Variants in CLCF1 observed in about 807,000 individuals in gnomAD.
The protein encoded by CLCF1 is cardiotrophin like cytokine factor 1.
In CLCF1, 10 loss-of-function variants were observed where a neutral mutation model predicts 21.2. The ratio of observed to expected loss-of-function variants is 0.47; its 90% CI spans 0.29 to 0.80. The LOEUF is 0.80. Among genes scored for constraint, CLCF1 ranks in the 30% least tolerant of loss-of-function variants. The pLI is 0.09. For missense variants in CLCF1, 240 were observed against 293.4 expected (o/e 0.82, Z 1.33); for synonymous variants, 115 against 120.5 (o/e 0.95, Z 0.30).
chr11:67,373,608 C>T (rs1417435890), upstream of CLCF1: 5 of 1,279,348 alleles, frequency 3.9e-6, no homozygotes, highest in Non-Finnish European at 4.9e-6. Flanking sequence ...GGGCGAGCCG[C>T]GGCTCCGGCG....
At chr11:67,369,629 T>G (rs933397303) in intron 1 of CLCF1, 61 of 985,346 alleles carry the variant, frequency 6.2e-5, no homozygotes, top group Non-Finnish European at 7.3e-5. Context: ...GCAGCGGCCC[T>G]CCCAGCCTTG....
upstream of CLCF1, chr11:67,373,920 C>T (rs1015169912): frequency 2.0e-6 from 2 of 977,642 alleles, no homozygotes; most frequent in African/African-American, 1.7e-5. Flanking sequence ...GCCATCAGTC[C>T]GTCTGAGGAC....
chr11:67,367,173 C>T (rs1862127771), intron 2 of CLCF1, among the ~76,000 whole-genome samples: 2 of 150,294 alleles, frequency 1.3e-5, no homozygotes, highest in African/African-American at 4.9e-5. Context: ...ACAGAGGAGA[C>T]TTCCCCGGCC....
At chr11:67,373,436 G>A (rs1469765411) in intron 1 of CLCF1, 88 bp downstream of exon 1, 2 of 704,826 alleles carry the variant, frequency 2.8e-6, no homozygotes, top group South Asian at 2.2e-5. Context: ...CCCGGCGCGG[G>A]GCTCCCGGGG....
intron 1 of CLCF1, chr11:67,368,215 T>G: frequency 5.1e-6 from 5 of 985,288 alleles, no homozygotes; most frequent in Non-Finnish European, 6.0e-6. Context: ...GGCTTAGTTT[T>G]GGGTATATTC....
At chr11:67,370,225 C>A in intron 1 of CLCF1, 3 of 985,412 alleles carry the variant, frequency 3.0e-6, no homozygotes, top group South Asian at 9.4e-5. Flanking sequence ...GGGGTGAACA[C>A]CTGCGGTTTA....
Position 67,365,047 on chromosome 11 carries a change from C to G in CLCF1, c.*89G>C. 1 of 1,598,932 alleles carries G rather than the reference C, an allele frequency of 6.3e-7. No individual in the cohort carries two copies. The highest frequency in any genetic ancestry group is 8.5e-7 in the Non-Finnish European group (1 of 1,176,924). On this transcript the variant is annotated 3_prime_UTR_variant, in exon 3 of 3. Coordinates refer to ENST00000312438, the MANE Select transcript of CLCF1 (RefSeq NM_013246.3). This position sits in a 1 kb window ranked among gnomAD's most constrained non-coding sequence, Gnocchi z 5.0. ...GGCCAGAGGCTCACAGCTTCTGTCT[C>G]CTGGCTCAACAGGTGTTGGCATACA...
rs746809332 is a variant in CLCF1 at position 67,365,425 on chromosome 11, C to T, written c.389G>A (p.Arg130His). 12 of 1,613,576 alleles carry T rather than the reference C, an allele frequency of 7.4e-6. No homozygotes were observed. The highest frequency in any genetic ancestry group is 4.4e-5 in the South Asian group (4 of 91,072). Reference sequence around the variant, plus strand: ...GGTGCAGAAGTGGGCCAGGCTGCGGCGCAGCTCAGCAGTGGCAGCCTGACG... The same window carrying T: ...GGTGCAGAAGTGGGCCAGGCTGCGGTGCAGCTCAGCAGTGGCAGCCTGACG... Reference protein sequence around the residue: ...LNRQAATAELRRSLAHFCTSL... With the variant: ...LNRQAATAELHRSLAHFCTSL... The change falls in exon 3 of 3, where the codon CGC becomes CAC. Residue 130 changes from arginine (R) to histidine (H), a missense_variant. Arg to His is a conservative substitution (Grantham distance 29). Coordinates refer to ENST00000312438, the MANE Select transcript of CLCF1 (RefSeq NM_013246.3). This position sits in a 1 kb window ranked among gnomAD's most constrained non-coding sequence, Gnocchi z 5.0.
At chr11:67,368,093 G>A in intron 1 of CLCF1, 5 of 985,426 alleles carry the variant, frequency 5.1e-6, no homozygotes, top group Non-Finnish European at 6.0e-6. Context: ...CTGGCAGGCT[G>A]AGCACAGTCA....
Position 67,372,074 on chromosome 11 carries a change from C to G in CLCF1, c.16+1450G>C, listed in dbSNP as rs1419640596. On this transcript the variant is annotated intron_variant, in intron 1 of 2. Coordinates refer to ENST00000312438, the MANE Select transcript of CLCF1 (RefSeq NM_013246.3). This position sits in a 1 kb window ranked among gnomAD's most constrained non-coding sequence, Gnocchi z 5.9. ...AGGGGAATATGTACTCGCATCCTGT[C>G]CGGTGTGAGGGGCAACGTGTGCTCC... Among the ~76,000 whole-genome samples the G allele has an allele frequency of 2.6e-5, 4 of 152,126 alleles. No homozygotes were observed. The highest frequency in any genetic ancestry group is 5.9e-5 in the Non-Finnish European group (4 of 68,006).
intron 1 of CLCF1, chr11:67,369,750 C>A (rs1862189705): frequency 4.1e-6 from 4 of 985,456 alleles, no homozygotes; most frequent in Non-Finnish European, 4.8e-6. Flanking sequence ...CACATGCTGG[C>A]CGGAGTTCTA....
chr11:67,365,094 G>C lies in CLCF1; in HGVS notation c.*42C>G. The C allele has an allele frequency of 1.2e-6, 2 of 1,612,024 alleles. No homozygotes were observed. Among genetic ancestry groups the C allele is most frequent in the South Asian group, 2.2e-5 (2 of 90,908 alleles). On this transcript the variant is annotated 3_prime_UTR_variant, in exon 3 of 3. Coordinates refer to ENST00000312438, the MANE Select transcript of CLCF1 (RefSeq NM_013246.3). The surrounding 1 kb of genome is among the most constrained non-coding windows in gnomAD (Gnocchi z 5.0). ...TACAGGGCTGGCTCTCACAAAGTGG[G>C]AGCAGGGTTTGAAGGGGGAGCGAAG...
At chr11:67,371,736 C>T (rs1210768160) in intron 1 of CLCF1, among the ~76,000 whole-genome samples, 3 of 151,008 alleles carry the variant, frequency 2.0e-5, no homozygotes, top group Non-Finnish European at 4.4e-5. Context: ...GTGTTGTTAT[C>T]AAGAGGGGCG....
Position 67,364,994 on chromosome 11 carries a change from C to T in CLCF1, c.*142G>A. 1 of 1,392,536 alleles carries T rather than the reference C, an allele frequency of 7.2e-7. No homozygotes were observed. Among genetic ancestry groups the T allele is most frequent in the Non-Finnish European group, 9.8e-7 (1 of 1,021,522 alleles). The allele number at this position is 1,392,536 out of a possible 1,614,324, so 86.3% of individuals were successfully genotyped here. A position where few individuals can be genotyped will look rare whatever the true frequency, so the allele number is the denominator to read the frequency against. Reference sequence around the variant, plus strand: ...GGTGGGGAGGAGACAGGGCTGATCGCATCACACGCCCAGCCGGTCCAGGAA... The same window carrying T: ...GGTGGGGAGGAGACAGGGCTGATCGTATCACACGCCCAGCCGGTCCAGGAA... On this transcript the variant is annotated 3_prime_UTR_variant, in exon 3 of 3. Transcript: ENST00000312438.
At position 67,367,626 on chromosome 11, in the gene CLCF1, CCT is replaced by C. The variant is rs774478596; in HGVS notation, c.17-2_17-1del. On this transcript the variant is annotated splice_acceptor_variant, in intron 1 of 2. Transcript: ENST00000312438. LOFTEE classifies it high-confidence loss of function. ...GCACGCTAACATCCCCCACGAGTCC[CCT>C]GTGGGCAGGATGGACGAGAAGCATG... 5.6e-6 allele frequency: 9 copies of C among 1,613,012 alleles called. No homozygotes were observed. Among genetic ancestry groups the C allele is most frequent in the Non-Finnish European group, 7.6e-6 (9 of 1,179,930 alleles).
chr11:67,366,586 G>A (rs1024618750), intron 2 of CLCF1, among the ~76,000 whole-genome samples: 6 of 152,102 alleles, frequency 3.9e-5, no homozygotes, highest in Non-Finnish European at 7.4e-5. Flanking sequence ...AGCGGCTGGG[G>A]CCCAGGGAAA....
rs762888312 is a variant in CLCF1, at chr11:67,373,504, C to T, written c.16+20G>A. The T allele has an allele frequency of 2.5e-5, 33 of 1,343,196 alleles. No individual in the cohort carries two copies. The East Asian group carries it at 9.1e-4, about 37-fold the overall frequency. 83.2% of individuals were successfully genotyped at this position (1,343,196 alleles called of 1,614,324 possible). ...TGCTTGGCGGGGCGGGGGTCGGGGC[C>T]TCGGCCGCCTGGCTCCTACCTGCTC... is the stretch of plus-strand genomic sequence containing the variant. On this transcript the variant is annotated intron_variant, in intron 1 of 2. Transcript: ENST00000312438.
At chr11:67,367,750 G>A in intron 1 of CLCF1, 124 bp from the exon 2 acceptor site, 1 of 1,518,472 alleles carries the variant, frequency 6.6e-7, no homozygotes, top group Non-Finnish European at 8.8e-7. Context: ...GACACCAGAT[G>A]GGAGGCAGAG....
upstream of CLCF1, chr11:67,373,653 C>T (rs1862285530): frequency 3.2e-6 from 4 of 1,253,210 alleles, no homozygotes; most frequent in East Asian, 1.3e-4. Context: ...GGCCCACTCG[C>T]AGGTTTTTTT....
Sources: allele counts gnomAD v4.1 joint callset (sites outside exome capture counted in the v4.1 genomes callset), GRCh38; gene constraint gnomAD v4.1.1; non-coding constraint Gnocchi (gnomAD v3.1); transcripts MANE v1.5; gene names NCBI Gene and HGNC (gene_info 2026-07-23, HGNC 2026-07-21).